Variants in SNAPC3 observed in about 807,000 individuals in gnomAD.
SNAPC3 encodes small nuclear RNA activating complex polypeptide 3.
In SNAPC3, 56 loss-of-function variants were observed where a neutral mutation model predicts 47.7. The observed-to-expected ratio is 1.18, with a 90% CI of 0.95 to 1.47. SNAPC3 has a LOEUF of 1.47. Ranked by LOEUF, SNAPC3 falls within the 40% of genes most tolerant of loss-of-function variation. The probability of loss-of-function intolerance (pLI) is 0.00; values close to 1 mark genes in which losing one functional copy is unlikely to be tolerated. For missense variants in SNAPC3, 665 were observed against 511.3 expected (o/e 1.30, Z -2.90); for synonymous variants, 235 against 189.9 (o/e 1.24, Z -1.95).
intron 5 of SNAPC3, among the ~76,000 whole-genome samples, chr9:15,447,965 G>C (rs2034074716): frequency 6.6e-6 from 1 of 152,122 alleles, no homozygotes; most frequent in Non-Finnish European, 1.5e-5. Context: ...TTTCAGAAAG[G>C]ATCATTTACC....
chr9:15,423,127 A>T lies in SNAPC3; in HGVS notation c.248A>T (p.Asp83Val), dbSNP rs2030788687. ...GSQAADSDRE[D>V]AAVARDLDCS... ...CAGGCAGCTGACTCCGACCGGGAGG[A>T]TGCCGCGGTGGCCAGGGATCTGGAC... Residue 83 changes from aspartate (D) to valine (V), a missense_variant, in exon 1 of 9, where the codon GAT becomes GTT. Asp to Val is a radical substitution (Grantham distance 152). Coordinates refer to ENST00000380821, the MANE Select transcript of SNAPC3 (RefSeq NM_001039697.2). 1.3e-6 allele frequency: 2 copies of T among 1,557,368 alleles called. No individual in the cohort carries two copies. The highest frequency in any genetic ancestry group is 2.4e-5 in the South Asian group (2 of 83,936).
At chr9:15,465,647 TAA>T (rs2035573823), downstream of SNAPC3, 1 of 1,289,998 alleles carries the variant, frequency 7.8e-7, no homozygotes, top group Non-Finnish European at 1.1e-6. Context: ...AAAAAGACAT[TAA>T]GTCTGCATTA....
chr9:15,429,183 C>T (rs1382349505), intron 2 of SNAPC3, among the ~76,000 whole-genome samples: 1 of 151,338 alleles, frequency 6.6e-6, no homozygotes, highest in Non-Finnish European at 1.5e-5. Context: ...AGCAAGGCAA[C>T]ATAGAGCAGT....
At chr9:15,442,100 CAGGCGG>C (rs2033461131) in intron 3 of SNAPC3, among the ~76,000 whole-genome samples, 1 of 148,016 alleles carries the variant, frequency 6.8e-6, no homozygotes, top group Admixed American at 6.7e-5. Context: ...GGCGGCTGGC[CAGGCGG>C]GGGCTGCCCC....
chr9:15,426,922 CA>C (rs1202796655), intron 2 of SNAPC3, among the ~76,000 whole-genome samples: 2 of 150,456 alleles, frequency 1.3e-5, no homozygotes, highest in Non-Finnish European at 3.0e-5. Context: ...ATGGTCCTGC[CA>C]AAAAAAAATT....
At chr9:15,454,130 T>TA (rs1220520080) in intron 7 of SNAPC3, among the ~76,000 whole-genome samples, 1 of 151,374 alleles carries the variant, frequency 6.6e-6, no homozygotes, top group Non-Finnish European at 1.5e-5. Flanking sequence ...CTACTCAGGT[T>TA]AAAACGTGAG....
At chr9:15,449,161 C>T (rs1260663297) in intron 5 of SNAPC3, among the ~76,000 whole-genome samples, 2 of 151,930 alleles carry the variant, frequency 1.3e-5, no homozygotes, top group Non-Finnish European at 2.9e-5. Context: ...GTTTTTTAAC[C>T]TTGTCAAAAA....
rs568816576 is a variant in SNAPC3, at chr9:15,448,856, C to A, written c.732+1612C>A. ...TTTGGATGGGGCTCTGTTGCCCAGG[C>A]TGGAGTGCGATGATGCAATCTCGGC... On this transcript the variant is annotated intron_variant, in intron 5 of 8. Transcript: ENST00000380821. Among the ~76,000 whole-genome samples, 22 of 152,130 alleles carry A rather than the reference C, an allele frequency of 1.4e-4. No homozygotes were observed. In the South Asian group the frequency reaches 4.6e-3, roughly 32 times the overall value.
At chr9:15,439,159 G>A (rs73417318) in intron 3 of SNAPC3, among the ~76,000 whole-genome samples, 6,803 of 152,084 alleles carry the variant, frequency 0.045, 488 homozygotes, top group African/African-American at 0.15. Context: ...GTAAACTTGC[G>A]CCACTATGCT....
intron 5 of SNAPC3, among the ~76,000 whole-genome samples, chr9:15,448,345 A>G (rs2034105335): frequency 6.6e-6 from 1 of 152,030 alleles, no homozygotes. Flanking sequence ...ATTCATCCAT[A>G]GTGAATTTGT....
chr9:15,463,698 C>T (rs1306354781), downstream of SNAPC3: 2 of 149,666 alleles, frequency 1.3e-5, no homozygotes, highest in African/African-American at 5.1e-5. Flanking sequence ...GACACCATTT[C>T]TTGAGAGTTA....
At chr9:15,466,329 G>A (rs1206726900), downstream of SNAPC3, among the ~76,000 whole-genome samples, 11 of 152,198 alleles carry the variant, frequency 7.2e-5, no homozygotes, top group African/African-American at 1.9e-4. Context: ...CAGTGAGCAC[G>A]ATCGTGCCAT....
chr9:15,430,189 G>T (rs2031958213), intron 2 of SNAPC3, among the ~76,000 whole-genome samples: 1 of 152,298 alleles, frequency 6.6e-6, no homozygotes. Context: ...TCAACACTTG[G>T]GGAGGCCAAG....
chr9:15,423,276 C>G, intron 1 of SNAPC3, 83 bp downstream of exon 1: 1 of 1,342,718 alleles, frequency 7.4e-7, no homozygotes, highest in Non-Finnish European at 9.9e-7. Flanking sequence ...GGACTCATCC[C>G]TGAGAAGGGC....
intron 5 of SNAPC3, among the ~76,000 whole-genome samples, chr9:15,451,058 C>G (rs970426396): frequency 2.0e-5 from 3 of 152,184 alleles, no homozygotes; most frequent in African/African-American, 7.2e-5. Context: ...GTATCCAACA[C>G]TACTTACTGC....
At chr9:15,438,704 A>T (rs934056538) in intron 3 of SNAPC3, among the ~76,000 whole-genome samples, 2 of 152,110 alleles carry the variant, frequency 1.3e-5, no homozygotes, top group African/African-American at 4.8e-5. Flanking sequence ...ATTGATTTCT[A>T]ATATTCACTT....
intron 3 of SNAPC3, among the ~76,000 whole-genome samples, chr9:15,442,961 G>T (rs1002551942): frequency 6.6e-6 from 1 of 152,218 alleles, no homozygotes; most frequent in Non-Finnish European, 1.5e-5. Context: ...TCGCAGTTAG[G>T]AGCTGGAGAC....
At chr9:15,445,321 T>C (rs1373423935) in intron 4 of SNAPC3, among the ~76,000 whole-genome samples, 1 of 152,218 alleles carries the variant, frequency 6.6e-6, no homozygotes, top group African/African-American at 2.4e-5. Flanking sequence ...CTACTAATTC[T>C]TGAGGGATTT....
chr9:15,423,970 GA>G lies in SNAPC3; in HGVS notation c.377del (p.Asp126AlafsTer3), dbSNP rs745735541. 15 of 1,576,996 alleles carry G rather than the reference GA, an allele frequency of 9.5e-6. No homozygotes were observed. The highest frequency in any genetic ancestry group is 1.4e-5 in the African/African-American group (1 of 73,158). On this transcript the variant is annotated frameshift_variant, in exon 2 of 9. Coordinates refer to ENST00000380821, the MANE Select transcript of SNAPC3 (RefSeq NM_001039697.2). LOFTEE classifies it high-confidence loss of function. ...TCCAGAAGTCATTCCGGAGAATACT[GA>G]CCTGGTGACTTTGGGGTATGGAGGA... ...EDPEVIPENT[D>X]LVTLGVRKRF...
Sources: allele counts gnomAD v4.1 joint callset (sites outside exome capture counted in the v4.1 genomes callset), GRCh38; gene constraint gnomAD v4.1.1; transcripts MANE v1.5; gene names NCBI Gene and HGNC (gene_info 2026-07-23, HGNC 2026-07-21).